Variants in ASB7 observed in about 807,000 individuals in gnomAD.
ASB7 encodes the protein ankyrin repeat and SOCS box protein 7.
A neutral mutation model predicts 32.5 loss-of-function variants in ASB7; 4 were observed. The ratio of observed to expected loss-of-function variants is 0.12; its 90% CI spans 0.06 to 0.28. The LOEUF (loss-of-function observed/expected upper bound fraction) is 0.28. ASB7 is among the 10% of genes least tolerant of loss of function. The pLI, the probability that ASB7 is intolerant of heterozygous loss-of-function variation, is 1.00. For synonymous variants in ASB7, 172 were observed against 155.6 expected, an observed-to-expected ratio of 1.11 and a Z score of -0.78; for missense variants, 181 against 407.1, an observed-to-expected ratio of 0.44 and a Z score of 4.78.
chr15:100,630,613 G>A (rs774859188), intron 5 of ASB7, among the ~76,000 whole-genome samples: 18 of 152,196 alleles, frequency 1.2e-4, no homozygotes, highest in Admixed American at 3.3e-4. Context: ...TTTGCAGTGG[G>A]AAGTTTGGCA....
At chr15:100,647,093 G>T (rs567252731) in intron 5 of ASB7, among the ~76,000 whole-genome samples, 1 of 152,228 alleles carries the variant, frequency 6.6e-6, no homozygotes, top group East Asian at 1.9e-4. Flanking sequence ...ATGTTAACAT[G>T]TAATGGTTTA....
Position 100,616,569 on chromosome 15 carries a change from T to C in ASB7, c.211+4142T>C, listed in dbSNP as rs191950203. On this transcript the variant is annotated intron_variant, in intron 4 of 5. Transcript: ENST00000332783. ...CATAAAGACAGCCTAAATCATGCCT[T>C]CTTTCTTCATTACTGTGCACTAGGT... Among the ~76,000 whole-genome samples the C allele has an allele frequency of 3.2e-3, 483 of 152,358 alleles. 2 individuals are homozygous for C. Among genetic ancestry groups the C allele is most frequent in the African/African-American group, 0.011 (469 of 41,586 alleles).
At chr15:100,615,411 T>A (rs944904201) in intron 4 of ASB7, among the ~76,000 whole-genome samples, 2 of 152,224 alleles carry the variant, frequency 1.3e-5, no homozygotes, top group African/African-American at 4.8e-5. Flanking sequence ...AGAAACCTTC[T>A]GTTGGTTCTA....
intron 3 of ASB7, among the ~76,000 whole-genome samples, chr15:100,610,177 G>A (rs2039682446): frequency 6.6e-6 from 1 of 152,206 alleles, no homozygotes. Flanking sequence ...CAATTTTTGT[G>A]AAGGAATTGA....
chr15:100,649,956 C>T lies in ASB7; in HGVS notation c.*1494C>T, dbSNP rs1369969651. On this transcript the variant is annotated 3_prime_UTR_variant, in exon 6 of 6. Transcript: ENST00000332783. ...TCATGAAGTGTAAAACTGTTTCACC[C>T]AGAAGTGTAACTAAGCAGAACTAGG... 6.6e-6 allele frequency: 1 copy of T among 152,236 alleles called. No homozygotes were observed. The highest frequency in any genetic ancestry group is 1.5e-5 in the Non-Finnish European group (1 of 68,032). The allele number at this position is 152,236 out of a possible 1,614,324, so 9.4% of individuals were successfully genotyped here.
At chr15:100,613,929 T>C (rs1338173186) in intron 4 of ASB7, among the ~76,000 whole-genome samples, 1 of 152,196 alleles carries the variant, frequency 6.6e-6, no homozygotes, top group East Asian at 1.9e-4. Context: ...TTTGGTTTAG[T>C]GCTTATCCTT....
At chr15:100,611,582 C>G (rs1402662424) in intron 3 of ASB7, among the ~76,000 whole-genome samples, 1 of 148,542 alleles carries the variant, frequency 6.7e-6, no homozygotes, top group Non-Finnish European at 1.5e-5. Context: ...CGGGTTCAAG[C>G]AATTCTTGTG....
rs61153969 is a variant in ASB7 at position 100,611,484 on chromosome 15, C to CTTTTTTT, written c.-51-675_-51-669dup. ...GGTTAATCACCAGATTGTTTCGATT[C>CTTTTTTT]TTTTTTTTTTTTTGAGACAGAATTT... On this transcript the variant is annotated intron_variant, in intron 3 of 5. Coordinates refer to ENST00000332783, the MANE Select transcript of ASB7 (RefSeq NM_198243.3). Among the ~76,000 whole-genome samples the CTTTTTTT allele has an allele frequency of 9.1e-5, 7 of 77,142 alleles. 2 individuals carry two copies. The highest frequency in any genetic ancestry group is 1.4e-4 in the Non-Finnish European group (6 of 43,160). The allele number at this position is 77,142 out of a possible 152,430, so 50.6% of individuals were successfully genotyped here. A position where few individuals can be genotyped will look rare whatever the true frequency, so the allele number is the denominator to read the frequency against.
At position 100,614,955 on chromosome 15, in the gene ASB7, C is replaced by T. The variant is rs1019431098; in HGVS notation, c.211+2528C>T. 2.0e-5 allele frequency among the ~76,000 whole-genome samples: 3 copies of T among 152,220 alleles called. No individual in the cohort carries two copies. The East Asian group carries it at 5.8e-4, about 29-fold the overall frequency. On this transcript the variant is annotated intron_variant, in intron 4 of 5. Coordinates refer to ENST00000332783, the MANE Select transcript of ASB7 (RefSeq NM_198243.3). Reference sequence around the variant, plus strand: ...TAAGGACATTTTGCTCAATCATGGACCCCATTTACAATGGTGGTCCCATAA... The same window carrying T: ...TAAGGACATTTTGCTCAATCATGGATCCCATTTACAATGGTGGTCCCATAA...
intron 4 of ASB7, among the ~76,000 whole-genome samples, chr15:100,627,396 G>A (rs2039848840): frequency 6.6e-6 from 1 of 152,196 alleles, no homozygotes; most frequent in Non-Finnish European, 1.5e-5. Context: ...CTGAATTTCT[G>A]TCTAGGCGTT....
In ASB7 at chr15:100,612,167, C is replaced by A; in HGVS notation, c.-50C>A. 1 of 1,501,892 alleles carries A rather than the reference C, an allele frequency of 6.7e-7. No homozygotes were observed. The highest frequency in any genetic ancestry group is 9.2e-7 in the Non-Finnish European group (1 of 1,082,002). The allele number at this position is 1,501,892 out of a possible 1,614,324, so 93.0% of individuals were successfully genotyped here. On this transcript the variant is annotated splice_region_variant and 5_prime_UTR_variant, in exon 4 of 6. It adds an upstream start codon to the 5' untranslated region. Transcript: ENST00000332783. ...CTTTTCTACCTTCTCTTCTTAAAGG[C>A]TGATCCCCGTAACCTAATGAATCCT...
intron 2 of ASB7, among the ~76,000 whole-genome samples, chr15:100,605,185 G>A (rs2039632792): frequency 6.6e-6 from 1 of 152,178 alleles, no homozygotes; most frequent in African/African-American, 2.4e-5. Flanking sequence ...GTCAACATCT[G>A]TCATGTTTCT....
intron 4 of ASB7, among the ~76,000 whole-genome samples, chr15:100,614,968 G>T (rs1388695312): frequency 6.6e-6 from 1 of 152,096 alleles, no homozygotes; most frequent in Non-Finnish European, 1.5e-5. Flanking sequence ...CATTTACAAT[G>T]GTGGTCCCAT....
chr15:100,651,127 G>A lies in ASB7; in HGVS notation c.*2665G>A, dbSNP rs1231851316. 1 of 150,850 alleles carries A rather than the reference G, an allele frequency of 6.6e-6. No individual in the cohort carries two copies. Among genetic ancestry groups the A allele is most frequent in the African/African-American group, 2.4e-5 (1 of 41,084 alleles). The allele number at this position is 150,850 out of a possible 1,614,324, so 9.3% of individuals were successfully genotyped here. A position where few individuals can be genotyped will look rare whatever the true frequency, so the allele number is the denominator to read the frequency against. On this transcript the variant is annotated 3_prime_UTR_variant, in exon 6 of 6. Coordinates refer to ENST00000332783, the MANE Select transcript of ASB7 (RefSeq NM_198243.3). ...AAATATATTTGGCAAATACACCAAA[G>A]AAACCAGCTTACAAAAGATTATGAT...
intron 5 of ASB7, among the ~76,000 whole-genome samples, chr15:100,633,591 A>G (rs2039900381): frequency 1.3e-5 from 2 of 151,440 alleles, no homozygotes; most frequent in Non-Finnish European, 2.9e-5. Flanking sequence ...AAAAAAGAGG[A>G]AAGAGAGGAA....
rs191423632 is a variant in ASB7, at chr15:100,636,897, G to A, written c.817+6855G>A. 3.3e-4 allele frequency among the ~76,000 whole-genome samples: 51 copies of A among 152,308 alleles called. 1 individual carries two copies. The East Asian group carries it at 6.4e-3, about 19-fold the overall frequency. On this transcript the variant is annotated intron_variant, in intron 5 of 5. Coordinates refer to ENST00000332783, the MANE Select transcript of ASB7 (RefSeq NM_198243.3). ...TGTGATTTGCCTTTTTCACTGTGATGACATTTGTGTTGATGGTGTACAAGC... is the reference window on the plus strand; with the variant it reads ...TGTGATTTGCCTTTTTCACTGTGATAACATTTGTGTTGATGGTGTACAAGC...
In ASB7 at chr15:100,603,265, A is replaced by G. The variant is rs1469994525; in HGVS notation, c.-222A>G. ...AAAGCAGGAAGAGGTCTGCCCACCT[A>G]TCAGAGAAGCAGAAGGCACAGTGCC... On this transcript the variant is annotated 5_prime_UTR_variant, in exon 2 of 6. Transcript: ENST00000332783. The G allele has an allele frequency of 1.2e-5, 4 of 347,040 alleles. No homozygotes were observed. The East Asian group carries it at 1.3e-4, about 11-fold the overall frequency. The allele number at this position is 347,040 out of a possible 1,614,324, so 21.5% of individuals were successfully genotyped here.
In ASB7 at chr15:100,649,743, A is replaced by G. The variant is rs1290477803; in HGVS notation, c.*1281A>G. ...GGAAAAGGTCCCAGAGGCATTAGGC[A>G]TCTAAGAGGATGCCCTCAGAAACGT... On this transcript the variant is annotated 3_prime_UTR_variant, in exon 6 of 6. Coordinates refer to ENST00000332783, the MANE Select transcript of ASB7 (RefSeq NM_198243.3). The G allele has an allele frequency of 6.6e-6, 1 of 152,254 alleles. No individual in the cohort carries two copies. Among genetic ancestry groups the G allele is most frequent in the East Asian group, 1.9e-4 (1 of 5,200 alleles). 9.4% of individuals were successfully genotyped at this position (152,254 alleles called of 1,614,324 possible).
rs369384406 is a variant in ASB7 at position 100,618,678 on chromosome 15, A to T, written c.211+6251A>T. On this transcript the variant is annotated intron_variant, in intron 4 of 5. Coordinates refer to ENST00000332783, the MANE Select transcript of ASB7 (RefSeq NM_198243.3). The stretch of plus-strand genomic sequence containing the variant: ...AGAGAGGAAGAAAGAACAAGAATTC[A>T]TATAGATAGACAAGGTGGCCAGCTG... Among the ~76,000 whole-genome samples, 13 of 152,202 alleles carry T rather than the reference A, an allele frequency of 8.5e-5. No individual in the cohort carries two copies. The East Asian group carries it at 2.5e-3, about 29-fold the overall frequency.
Sources: allele counts gnomAD v4.1 joint callset (sites outside exome capture counted in the v4.1 genomes callset), GRCh38; gene constraint gnomAD v4.1.1; transcripts MANE v1.5; gene names NCBI Gene and HGNC (gene_info 2026-07-23, HGNC 2026-07-21).